The following SIPA1L3 variants were observed in gnomAD, a reference collection of about 807,000 sequenced individuals.
SIPA1L3 encodes the protein signal induced proliferation associated 1 like 3, also known as signal-induced proliferation-associated 1-like protein 3.
A neutral mutation model predicts 150.1 loss-of-function variants in SIPA1L3; 59 were observed. That is an observed-to-expected ratio of 0.39 (90% CI 0.32 to 0.49). The LOEUF is 0.49. SIPA1L3 is among the 20% of genes least tolerant of loss of function. The pLI is 0.86. For missense variants in SIPA1L3, 2,211 were observed against 2,489.5 expected (o/e 0.89, Z 2.38); for synonymous variants, 1,070 against 1,077.6 (o/e 0.99, Z 0.14).
chr19:38,137,221 C>G (rs1183696968), intron 10 of SIPA1L3, among the ~76,000 whole-genome samples: 1 of 152,096 alleles, frequency 6.6e-6, no homozygotes, highest in Non-Finnish European at 1.5e-5. Flanking sequence ...TGGAGTCTCA[C>G]TCTGTTGCCC....
intron 10 of SIPA1L3, among the ~76,000 whole-genome samples, chr19:38,132,696 G>A (rs1971341414): frequency 6.7e-6 from 1 of 149,382 alleles, no homozygotes; most frequent in Non-Finnish European, 1.5e-5. Flanking sequence ...CACCCAGGCT[G>A]GAGTGCAGTG....
At chr19:38,205,286 C>A (rs909393379) in intron 21 of SIPA1L3, among the ~76,000 whole-genome samples, 3 of 87,746 alleles carry the variant, frequency 3.4e-5, no homozygotes, top group Admixed American at 1.2e-4. Context: ...ATGGTGAAAC[C>A]CCGTCTCTAC....
chr19:38,205,909 C>G (rs1308401498), intron 21 of SIPA1L3, among the ~76,000 whole-genome samples, 188 bp from the exon 22 acceptor site: 1 of 152,222 alleles, frequency 6.6e-6, no homozygotes. Context: ...GTTGCGGGAA[C>G]CAAGTGACTT....
intron 4 of SIPA1L3, among the ~76,000 whole-genome samples, chr19:38,091,726 A>G (rs965834396): frequency 2.6e-5 from 4 of 152,164 alleles, no homozygotes; most frequent in Non-Finnish European, 4.4e-5. Flanking sequence ...TAGGAGCTCA[A>G]CCAACTCAGT....
At chr19:38,065,602 A>G (rs1408579965) in intron 2 of SIPA1L3, among the ~76,000 whole-genome samples, 3 of 151,046 alleles carry the variant, frequency 2.0e-5, no homozygotes, top group East Asian at 3.9e-4. Flanking sequence ...TTGTATTTTT[A>G]GTGGAGACAG....
chr19:38,122,824 G>C (rs1320075638), intron 9 of SIPA1L3, among the ~76,000 whole-genome samples: 1 of 152,146 alleles, frequency 6.6e-6, no homozygotes. Flanking sequence ...CACATGGCTC[G>C]CTCCCTTTCC....
intron 2 of SIPA1L3, among the ~76,000 whole-genome samples, chr19:38,061,177 G>A (rs553799159): frequency 2.6e-5 from 4 of 151,834 alleles, no homozygotes; most frequent in Admixed American, 1.3e-4. Flanking sequence ...AGGACAATGC[G>A]GCACATGCCA....
At chr19:38,033,892 G>T (rs1279260121) in intron 2 of SIPA1L3, among the ~76,000 whole-genome samples, 9 of 152,102 alleles carry the variant, frequency 5.9e-5, no homozygotes, top group Admixed American at 5.9e-4. Context: ...TGAGCCATTT[G>T]CATCATGGTA....
intron 7 of SIPA1L3, chr19:38,109,992 C>T: frequency 2.0e-6 from 1 of 495,054 alleles, no homozygotes; most frequent in Non-Finnish European, 3.7e-6. Context: ...GCAGAGGGAA[C>T]AGCGGTGCAG....
intron 2 of SIPA1L3, among the ~76,000 whole-genome samples, chr19:38,078,968 C>A (rs1294572311): frequency 6.6e-6 from 1 of 152,186 alleles, no homozygotes; most frequent in African/African-American, 2.4e-5. Flanking sequence ...TCCCCAGGGG[C>A]CTGCAAATCA....
intron 9 of SIPA1L3, among the ~76,000 whole-genome samples, chr19:38,124,121 CG>C (rs1971107935): frequency 1.3e-5 from 2 of 151,066 alleles, no homozygotes; most frequent in South Asian, 4.2e-4. Flanking sequence ...ACCTCCCTCC[CG>C]GACGGGGTGG....
At chr19:38,113,590 C>A (rs1970815820) in intron 8 of SIPA1L3, among the ~76,000 whole-genome samples, 1 of 151,632 alleles carries the variant, frequency 6.6e-6, no homozygotes, top group Non-Finnish European at 1.5e-5. Flanking sequence ...GCCTGGGTGA[C>A]AGAGCAAGAC....
chr19:37,950,864 C>A (rs541691828), intron 1 of SIPA1L3, among the ~76,000 whole-genome samples: 1 of 152,256 alleles, frequency 6.6e-6, no homozygotes, highest in Admixed American at 6.5e-5. Context: ...ATTCCCCAGA[C>A]GGTGATTCTT....
rs1404082796 is a variant in SIPA1L3 at position 38,082,330 on chromosome 19, C to T, written c.765C>T (p.Gly255=). 4.4e-6 allele frequency: 7 copies of T among 1,598,424 alleles called. No individual in the cohort carries two copies. The highest frequency in any genetic ancestry group is 3.3e-5 in the Admixed American group (2 of 59,848). ...GCCCACACCTCATGGGGGGCGGCGG[C>T]GGAGCCAAGGGGGACTCCCACAACG... ...DPGPHLMGGG[G]GAKGDSHNGQ... is the part of the protein sequence containing the mutation. The change falls in exon 3 of 22, where the codon GGC becomes GGT. Residue 255 remains glycine (G), a synonymous_variant. Transcript: ENST00000222345.
At chr19:38,034,445 G>C (rs977006267) in intron 2 of SIPA1L3, among the ~76,000 whole-genome samples, 2 of 150,956 alleles carry the variant, frequency 1.3e-5, no homozygotes, top group Non-Finnish European at 2.9e-5. Flanking sequence ...GAGGAGCTGG[G>C]ACAGGGAGGC....
intron 1 of SIPA1L3, among the ~76,000 whole-genome samples, chr19:38,011,694 T>A (rs2145681679): frequency 6.6e-6 from 1 of 152,226 alleles, no homozygotes; most frequent in South Asian, 2.1e-4. Flanking sequence ...GGGAAGATGA[T>A]GAGGCCCAAG....
At chr19:38,064,690 C>T (rs866897682) in intron 2 of SIPA1L3, among the ~76,000 whole-genome samples, 6 of 152,266 alleles carry the variant, frequency 3.9e-5, no homozygotes, top group Middle Eastern at 3.4e-3. Context: ...CGGAGCCAGA[C>T]TCTGTCTCAA....
At position 38,047,665 on chromosome 19, in the gene SIPA1L3, C is replaced by T. The variant is rs575717535; in HGVS notation, c.-311+18509C>T. ...ACCCCAGAGCGCACGCTCCTTTGCC[C>T]GCCCCTGCCACACTGGTATCTTTCC... On this transcript the variant is annotated intron_variant, in intron 2 of 21. Transcript: ENST00000222345. This position sits in a 1 kb window ranked among gnomAD's most constrained non-coding sequence, Gnocchi z 4.7. Among the ~76,000 whole-genome samples the T allele has an allele frequency of 7.6e-4, 116 of 152,342 alleles. No individual in the cohort carries two copies. The highest frequency in any genetic ancestry group is 2.7e-3 in the African/African-American group (114 of 41,588).
At chr19:37,994,396 A>G (rs892953630) in intron 1 of SIPA1L3, among the ~76,000 whole-genome samples, 8 of 151,940 alleles carry the variant, frequency 5.3e-5, no homozygotes, top group Admixed American at 2.6e-4. Flanking sequence ...TGGTGCTAGG[A>G]GAAAGGGGTC....
Sources: gnomAD v4.1 joint callset for allele counts (sites outside exome capture counted in the v4.1 genomes callset) on GRCh38, gnomAD v4.1.1 for gene constraint, Gnocchi (gnomAD v3.1) non-coding constraint, MANE v1.5 for transcripts, NCBI Gene and HGNC (gene_info 2026-07-23, HGNC 2026-07-21) for gene names.